Variants in FRMD4A observed in about 807,000 individuals in gnomAD.
FRMD4A encodes the protein FERM domain containing 4A.
FRMD4A carries 29 observed loss-of-function variants against 129.1 expected under a neutral mutation model. That is an observed-to-expected ratio of 0.22 (90% CI 0.17 to 0.31). The LOEUF is 0.31. Among genes scored for constraint, FRMD4A ranks in the 10% least tolerant of loss-of-function variants. The pLI is 1.00. For synonymous variants in FRMD4A, 634 were observed against 571.6 expected (o/e 1.11, Z -1.56); for missense variants, 1,272 against 1,375.8 (o/e 0.92, Z 1.19).
At chr10:13,659,860 T>TC (rs1554827839) in intron 20 of FRMD4A, among the ~76,000 whole-genome samples, 1,507 of 62,222 alleles carry the variant, frequency 0.024, 28 homozygotes, top group African/African-American at 0.053. Flanking sequence ...GAAAATGCCT[T>TC]CCCCCCCAAA....
In FRMD4A at chr10:13,657,782, T is replaced by A. The variant is rs537262756; in HGVS notation, c.2067-260A>T. Among the ~76,000 whole-genome samples the A allele has an allele frequency of 5.8e-4, 72 of 124,778 alleles. No individual in the cohort carries two copies. In the South Asian group the frequency reaches 0.014, roughly 25 times the overall value. 81.9% of individuals were successfully genotyped at this position (124,778 alleles called of 152,430 possible). A position where few individuals can be genotyped will look rare whatever the true frequency, so the allele number is the denominator to read the frequency against. ...CTAGGACTCACAGAAAGGTTTCGAT[T>A]TCTGGGTTTTTTTTTTTTTTTAAAT... On this transcript the variant is annotated intron_variant, in intron 21 of 24. Transcript: ENST00000357447.
rs185062118 is a variant in FRMD4A at position 13,968,522 on chromosome 10, A to G, written c.46-109610T>C. On this transcript the variant is annotated intron_variant, in intron 2 of 24. Transcript: ENST00000357447. ...GGCTGGAGCGCAATGGTGCGATCTC[A>G]GCTCACTGCAACCTCCACCTCCTGG... Among the ~76,000 whole-genome samples, 134 of 152,298 alleles carry G rather than the reference A, an allele frequency of 8.8e-4. 3 individuals carry two copies. The East Asian group carries it at 0.019, about 22-fold the overall frequency.
intron 8 of FRMD4A, among the ~76,000 whole-genome samples, chr10:13,749,239 G>A (rs2091447737): frequency 6.6e-6 from 1 of 152,218 alleles, no homozygotes; most frequent in Non-Finnish European, 1.5e-5. Context: ...TCGCAGTTCT[G>A]ACCTGGGCTA....
At chr10:13,953,257 C>T (rs1439108420) in intron 2 of FRMD4A, among the ~76,000 whole-genome samples, 2 of 152,150 alleles carry the variant, frequency 1.3e-5, no homozygotes, top group African/African-American at 4.8e-5. Flanking sequence ...CTCATCTACC[C>T]TTAGCTTGTG....
intron 2 of FRMD4A, among the ~76,000 whole-genome samples, chr10:14,314,266 C>T (rs551483957): frequency 2.0e-5 from 3 of 151,940 alleles, no homozygotes; most frequent in Non-Finnish European, 4.4e-5. Context: ...ACTGTTCCTT[C>T]GAGCTACTCA....
chr10:14,149,674 C>T (rs1409458283), intron 2 of FRMD4A, among the ~76,000 whole-genome samples: 2 of 152,180 alleles, frequency 1.3e-5, no homozygotes, highest in African/African-American at 4.8e-5. Context: ...CTGGCAACTG[C>T]TTGTCATTTT....
intron 2 of FRMD4A, among the ~76,000 whole-genome samples, chr10:14,173,033 A>G (rs1038756093): frequency 1.3e-5 from 2 of 152,136 alleles, no homozygotes; most frequent in Non-Finnish European, 2.9e-5. Context: ...AGCAGGAAAA[A>G]AAAATGTTCA....
chr10:14,141,250 C>A (rs1250889559), intron 2 of FRMD4A, among the ~76,000 whole-genome samples: 1 of 152,156 alleles, frequency 6.6e-6, no homozygotes, highest in Non-Finnish European at 1.5e-5. Flanking sequence ...ATCTACAGGG[C>A]ACCCTGGATG....
At chr10:14,152,277 G>A (rs777646005) in intron 2 of FRMD4A, among the ~76,000 whole-genome samples, 6 of 151,584 alleles carry the variant, frequency 4.0e-5, no homozygotes, top group Non-Finnish European at 8.8e-5. Flanking sequence ...ACAGACACCC[G>A]CCACCACACT....
intron 12 of FRMD4A, among the ~76,000 whole-genome samples, chr10:13,721,881 A>G (rs948699790): frequency 6.6e-6 from 1 of 151,408 alleles, no homozygotes; most frequent in Admixed American, 6.6e-5. Flanking sequence ...ACACACACAC[A>G]TACAGAGGAA....
chr10:13,704,482 C>T (rs2087206891), intron 13 of FRMD4A, among the ~76,000 whole-genome samples: 2 of 152,070 alleles, frequency 1.3e-5, no homozygotes, highest in South Asian at 4.1e-4. Context: ...CCCCACCTGA[C>T]ATCTATATCC....
At chr10:13,803,485 C>T (rs1437220040) in intron 4 of FRMD4A, among the ~76,000 whole-genome samples, 1 of 150,806 alleles carries the variant, frequency 6.6e-6, no homozygotes, top group African/African-American at 2.4e-5. Context: ...GTGCACACCA[C>T]CACTCCTGGC....
intron 2 of FRMD4A, among the ~76,000 whole-genome samples, chr10:14,098,952 G>T (rs375143639): frequency 1.3e-5 from 2 of 152,244 alleles, no homozygotes; most frequent in Admixed American, 1.3e-4. Context: ...TGGACTACCT[G>T]TGTAGCTTTC....
At chr10:14,069,268 A>G (rs1438858513) in intron 2 of FRMD4A, among the ~76,000 whole-genome samples, 1 of 152,194 alleles carries the variant, frequency 6.6e-6, no homozygotes, top group Non-Finnish European at 1.5e-5. Flanking sequence ...ACCTCAATAT[A>G]CACAGCTATA....
chr10:14,326,180 G>C (rs1177964446), intron 2 of FRMD4A: 1 of 152,128 alleles, frequency 6.6e-6, no homozygotes, highest in Non-Finnish European at 1.5e-5. Flanking sequence ...CAGACTTGTG[G>C]TATCCCTTTT....
chr10:14,149,844 T>C (rs1190959781), intron 2 of FRMD4A, among the ~76,000 whole-genome samples: 1 of 152,194 alleles, frequency 6.6e-6, no homozygotes, highest in Non-Finnish European at 1.5e-5. Flanking sequence ...CTCCTTCCTG[T>C]AGGTCCTGTT....
intron 14 of FRMD4A, among the ~76,000 whole-genome samples, chr10:13,696,417 T>C (rs1419566555): frequency 1.3e-5 from 2 of 152,176 alleles, no homozygotes; most frequent in African/African-American, 4.8e-5. Flanking sequence ...AATTCAGTGC[T>C]GGGTGAAGGG....
chr10:13,815,003 T>C lies in FRMD4A; in HGVS notation c.112-4095A>G, dbSNP rs534219266. ...CAGAAATGGAGGCTTGGGGTTACTT[T>C]AGCTGATCATGTTACATTGAACTCT... On this transcript the variant is annotated intron_variant, in intron 3 of 24. Transcript: ENST00000357447. Among the ~76,000 whole-genome samples the C allele has an allele frequency of 1.4e-4, 21 of 152,232 alleles. 1 individual carries two copies. In the South Asian group the frequency reaches 3.9e-3, roughly 29 times the overall value.
At chr10:14,173,565 G>A in intron 2 of FRMD4A, among the ~76,000 whole-genome samples, 1 of 152,136 alleles carries the variant, frequency 6.6e-6, no homozygotes, top group Non-Finnish European at 1.5e-5. Context: ...TGAAGAAGAG[G>A]AGGAGGAAGA....
Sources: allele counts gnomAD v4.1 joint callset (sites outside exome capture counted in the v4.1 genomes callset), GRCh38; gene constraint gnomAD v4.1.1; transcripts MANE v1.5; gene names NCBI Gene and HGNC (gene_info 2026-07-23, HGNC 2026-07-21).